Variants in RFX8 observed in about 807,000 individuals in gnomAD.
RFX8 encodes DNA-binding protein RFX8.
RFX8 carries 46 observed loss-of-function variants against 54.6 expected under a neutral mutation model. That is an observed-to-expected ratio of 0.84 (90% confidence interval 0.67 to 1.08). The LOEUF (loss-of-function observed/expected upper bound fraction) is 1.08, where lower values mean the gene tolerates loss of function less well. RFX8 is among the 50% of genes least tolerant of loss of function. RFX8 has a pLI of 0.00. For synonymous variants in RFX8, 192 were observed against 209.5 expected (o/e 0.92, Z 0.72); for missense variants, 536 against 562.3 (o/e 0.95, Z 0.47).
chr2:101,425,990 C>A (rs113185272), intron 2 of RFX8, among the ~76,000 whole-genome samples: 1 of 151,952 alleles, frequency 6.6e-6, no homozygotes, highest in Non-Finnish European at 1.5e-5. Flanking sequence ...AGTAGAGTGA[C>A]TATAGTTCAC....
At chr2:101,402,891 G>T in intron 10 of RFX8, 139 bp from the exon 11 acceptor site, 1 of 768,098 alleles carries the variant, frequency 1.3e-6, no homozygotes, top group Non-Finnish European at 2.0e-6. Context: ...AAGAGGCCTG[G>T]GTCGGCCTCT....
intron 2 of RFX8, among the ~76,000 whole-genome samples, chr2:101,423,498 A>G (rs1239505828): frequency 1.3e-5 from 2 of 152,186 alleles, no homozygotes; most frequent in African/African-American, 4.8e-5. Context: ...ACAATAAAGT[A>G]GGATGAAAGA....
At chr2:101,464,194 G>A (rs1689442103) in intron 2 of RFX8, among the ~76,000 whole-genome samples, 1 of 152,206 alleles carries the variant, frequency 6.6e-6, no homozygotes, top group African/African-American at 2.4e-5. Context: ...CTATATCTCT[G>A]GACAGGGAAG....
intron 2 of RFX8, among the ~76,000 whole-genome samples, chr2:101,461,279 A>AAAAAAAAAAAG (rs1553459153): frequency 1.6e-5 from 2 of 124,776 alleles, no homozygotes; most frequent in African/African-American, 6.4e-5. Flanking sequence ...AAAAAAAAAA[A>AAAAAAAAAAAG]AAAGAAAGAA....
chr2:101,411,025 A>T (rs1183327336), intron 8 of RFX8, among the ~76,000 whole-genome samples: 2 of 152,238 alleles, frequency 1.3e-5, no homozygotes, highest in African/African-American at 2.4e-5. Context: ...AGCTCATTGC[A>T]CGATACAGAC....
intron 2 of RFX8, among the ~76,000 whole-genome samples, chr2:101,441,224 C>T (rs2148958779): frequency 6.6e-6 from 1 of 152,312 alleles, no homozygotes; most frequent in Middle Eastern, 3.4e-3. Flanking sequence ...CCTGCCTCGG[C>T]CTCCCAAAGT....
intron 2 of RFX8, among the ~76,000 whole-genome samples, chr2:101,462,313 C>T (rs1017477429): frequency 6.6e-6 from 1 of 151,922 alleles, no homozygotes; most frequent in African/African-American, 2.4e-5. Context: ...ACGTGTAGTC[C>T]CAGCTACTTG....
At chr2:101,404,840 A>G (rs1325064888) in intron 10 of RFX8, among the ~76,000 whole-genome samples, 2 of 152,186 alleles carry the variant, frequency 1.3e-5, no homozygotes, top group South Asian at 2.1e-4. Flanking sequence ...GAGTCCCACT[A>G]TAAGTGAGTG....
chr2:101,414,761 A>C, intron 7 of RFX8, 93 bp downstream of exon 7: 5 of 971,920 alleles, frequency 5.1e-6, no homozygotes, highest in East Asian at 2.7e-5. Flanking sequence ...CCAGATGGAC[A>C]GAGCAACCAC....
At chr2:101,425,324 G>T (rs1228372390) in intron 2 of RFX8, among the ~76,000 whole-genome samples, 4 of 152,120 alleles carry the variant, frequency 2.6e-5, no homozygotes, top group Non-Finnish European at 5.9e-5. Flanking sequence ...AGAATCCCTT[G>T]GGGCCCTTGA....
chr2:101,457,751 C>A (rs1420649824), intron 2 of RFX8, among the ~76,000 whole-genome samples: 1 of 152,154 alleles, frequency 6.6e-6, no homozygotes. Flanking sequence ...GAGTTTAGGT[C>A]CCAGATATCC....
chr2:101,447,629 A>G (rs568315810), intron 2 of RFX8, among the ~76,000 whole-genome samples: 12 of 152,336 alleles, frequency 7.9e-5, no homozygotes, highest in African/African-American at 2.9e-4. Context: ...AATCTTCTAG[A>G]TATTTTGAAA....
intron 1 of RFX8, among the ~76,000 whole-genome samples, chr2:101,467,146 T>C (rs550080131): frequency 1.4e-4 from 22 of 152,352 alleles, no homozygotes; most frequent in African/African-American, 5.1e-4. Context: ...TTTCTGTTTT[T>C]GTTTGTTTCC....
chr2:101,464,464 G>A (rs6720584), intron 2 of RFX8, among the ~76,000 whole-genome samples: 52,081 of 152,096 alleles, frequency 0.34, 9,498 homozygotes, highest in African/African-American at 0.41. Flanking sequence ...GTGAGAAACC[G>A]ACTCTATTCC....
At chr2:101,442,915 G>C (rs1482321382) in intron 2 of RFX8, among the ~76,000 whole-genome samples, 1 of 152,092 alleles carries the variant, frequency 6.6e-6, no homozygotes, top group African/African-American at 2.4e-5. Context: ...GAGGCTTCCT[G>C]GACCAAGAGG....
At chr2:101,471,365 A>C (rs919440493) in intron 1 of RFX8, among the ~76,000 whole-genome samples, 2 of 152,028 alleles carry the variant, frequency 1.3e-5, no homozygotes, top group African/African-American at 4.8e-5. Context: ...AAACAAAGAA[A>C]AATGTCATGA....
chr2:101,404,208 T>C (rs951609344), intron 10 of RFX8, among the ~76,000 whole-genome samples: 2 of 152,252 alleles, frequency 1.3e-5, no homozygotes, highest in Non-Finnish European at 2.9e-5. Flanking sequence ...GTTTTTTCCC[T>C]GAGTAGTGTT....
intron 2 of RFX8, among the ~76,000 whole-genome samples, chr2:101,430,304 T>C (rs762511596): frequency 1.3e-5 from 2 of 152,254 alleles, no homozygotes; most frequent in African/African-American, 2.4e-5. Context: ...CCATTTGTCA[T>C]GTGTTATGGA....
At chr2:101,425,720 C>A (rs1310051965) in intron 2 of RFX8, among the ~76,000 whole-genome samples, 13 of 152,096 alleles carry the variant, frequency 8.5e-5, no homozygotes, top group African/African-American at 3.1e-4. Flanking sequence ...TGTTCTTTCA[C>A]AAACAATATT....
Sources: allele counts gnomAD v4.1 joint callset (sites outside exome capture counted in the v4.1 genomes callset), GRCh38; gene constraint gnomAD v4.1.1; transcripts MANE v1.5; gene names NCBI Gene and HGNC (gene_info 2026-07-23, HGNC 2026-07-21).